Variants in SYNE1 observed in about 807,000 individuals in gnomAD.
SYNE1 encodes nesprin-1.
In SYNE1, 616 loss-of-function variants were observed where a neutral mutation model predicts 1,111.0. The ratio of observed to expected loss-of-function variants is 0.55; its 90% CI spans 0.52 to 0.59. The LOEUF (loss-of-function observed/expected upper bound fraction) is 0.59, where lower values mean the gene tolerates loss of function less well. Ranked by LOEUF, SYNE1 falls within the 20% of genes least tolerant of loss-of-function variation. The pLI, the probability that SYNE1 is intolerant of heterozygous loss-of-function variation, is 0.00. For synonymous variants in SYNE1, 3,855 were observed against 3,825.8 expected, an observed-to-expected ratio of 1.01 and a Z score of -0.28; for missense variants, 10,006 against 10,417.0, an observed-to-expected ratio of 0.96 and a Z score of 1.72.
chr6:152,432,558 A>C (rs1476564601), intron 34 of SYNE1, among the ~76,000 whole-genome samples: 1 of 152,120 alleles, frequency 6.6e-6, no homozygotes, highest in Non-Finnish European at 1.5e-5. Flanking sequence ...GAAAACATGT[A>C]ATCTTTTTTT....
intron 125 of SYNE1, among the ~76,000 whole-genome samples, chr6:152,207,057 A>G (rs1293568462): frequency 6.6e-6 from 1 of 152,204 alleles, no homozygotes; most frequent in East Asian, 1.9e-4. Context: ...AAGATTAGGA[A>G]GCTATTGTCT....
At chr6:152,530,157 C>T (rs1014786057) in intron 4 of SYNE1, among the ~76,000 whole-genome samples, 2 of 152,234 alleles carry the variant, frequency 1.3e-5, no homozygotes, top group African/African-American at 2.4e-5. Context: ...CTTTGGAACA[C>T]AGCATCTGAG....
intron 63 of SYNE1, 100 bp from the exon 64 acceptor site, chr6:152,362,423 A>T: frequency 6.6e-7 from 1 of 1,515,794 alleles, no homozygotes; most frequent in South Asian, 1.2e-5. Context: ...GCAAGGGGTC[A>T]AGAGATCAGG....
Position 152,455,974 on chromosome 6 carries a change from T to C in SYNE1, c.2639A>G (p.Gln880Arg). 1 of 1,614,144 alleles carries C rather than the reference T, an allele frequency of 6.2e-7. No homozygotes were observed. The highest frequency in any genetic ancestry group is 8.5e-7 in the Non-Finnish European group (1 of 1,179,990). Residue 880 changes from glutamine (Q) to arginine (R), a missense_variant, in exon 23 of 146, where the codon CAA becomes CGA. Physicochemically the swap from Gln to Arg is conservative, Grantham distance 43 (BLOSUM62 1). This residue lies in a region of SYNE1 where 1,971 missense variants were observed against 2,084.1 expected (regional missense o/e 0.95). Coordinates refer to ENST00000367255, the MANE Select transcript of SYNE1 (RefSeq NM_182961.4). Reference sequence around the variant, plus strand: ...CACGTTGCTCAAGGTCACAAACTTTTGAACACTTTGACTGCCTTTCTCAAT... The same window carrying C: ...CACGTTGCTCAAGGTCACAAACTTTCGAACACTTTGACTGCCTTTCTCAAT... Reference protein sequence around the residue: ...TLIEKGSQSVQKFVTLSNVLK... With the variant: ...TLIEKGSQSVRKFVTLSNVLK...
rs187631459 is a variant in SYNE1 at position 152,450,361 on chromosome 6, A to T, written c.3395+264T>A. ...GTCTCAGGTATGTCTTTATTAGCAA[A>T]GTGAGAAAGGACTAATACATAAGGA... On this transcript the variant is annotated intron_variant, in intron 27 of 145. Coordinates refer to ENST00000367255, the MANE Select transcript of SYNE1 (RefSeq NM_182961.4). Among the ~76,000 whole-genome samples, 291 of 152,262 alleles carry T rather than the reference A, an allele frequency of 1.9e-3. 3 individuals carry two copies. The highest frequency in any genetic ancestry group is 6.0e-3 in the African/African-American group (250 of 41,546).
intron 145 of SYNE1, chr6:152,126,704 A>G (rs1335923652): frequency 6.6e-6 from 1 of 152,184 alleles, no homozygotes; most frequent in East Asian, 1.9e-4. Context: ...GTCCCAAAAT[A>G]CCTAGACAAT....
At chr6:152,340,176 G>C (rs1199992836) in intron 74 of SYNE1, among the ~76,000 whole-genome samples, 1 of 152,198 alleles carries the variant, frequency 6.6e-6, no homozygotes, top group African/African-American at 2.4e-5. Flanking sequence ...CTGAGGAAAC[G>C]ACCTGAATGC....
intron 62 of SYNE1, among the ~76,000 whole-genome samples, chr6:152,366,606 CTG>C (rs1366604229): frequency 6.6e-6 from 1 of 152,218 alleles, no homozygotes; most frequent in Non-Finnish European, 1.5e-5. Flanking sequence ...GGTTCCACTC[CTG>C]TGTATGTCTA....
intron 108 of SYNE1, 95 bp downstream of exon 108, chr6:152,239,438 T>C (rs2085020136): frequency 1.3e-6 from 2 of 1,497,388 alleles, no homozygotes; most frequent in African/African-American, 2.7e-5. Flanking sequence ...TGAGGTTATG[T>C]GAGGCAAACT....
intron 98 of SYNE1, 35 bp from the exon 99 acceptor site, chr6:152,269,321 C>A (rs563593822): frequency 6.2e-7 from 1 of 1,613,416 alleles, no homozygotes; most frequent in African/African-American, 1.3e-5. Context: ...AGTCATGCTA[C>A]ACACCGGAAA....
At chr6:152,363,029 C>T (rs1369145081) in intron 63 of SYNE1, among the ~76,000 whole-genome samples, 3 of 151,118 alleles carry the variant, frequency 2.0e-5, no homozygotes, top group Admixed American at 6.6e-5. Flanking sequence ...TACATGCCCC[C>T]GCCACCATGC....
intron 130 of SYNE1, among the ~76,000 whole-genome samples, chr6:152,169,728 A>T (rs907119431): frequency 6.6e-6 from 1 of 151,146 alleles, no homozygotes; most frequent in Non-Finnish European, 1.5e-5. Flanking sequence ...TGAGCCCAGG[A>T]GGCTGAGGCT....
intron 3 of SYNE1, among the ~76,000 whole-genome samples, chr6:152,594,297 C>A (rs1286046997): frequency 6.6e-6 from 1 of 152,116 alleles, no homozygotes; most frequent in African/African-American, 2.4e-5. Context: ...GCTGAGGAGA[C>A]CAGCATCACC....
chr6:152,425,329 A>G, intron 39 of SYNE1, 52 bp downstream of exon 39: 3 of 1,568,884 alleles, frequency 1.9e-6, no homozygotes, highest in South Asian at 1.1e-5. Context: ...TTATATGCTC[A>G]TCATTTAAAA....
rs1204553014 is a variant in SYNE1, at chr6:152,300,796, G to A, written c.17542-15C>T. ...CCTGCAGTCATCTGCCACGTAAAAT[G>A]TAGCCCAAAGGACATGAAAATCAAT... is the stretch of plus-strand genomic sequence containing the variant. On this transcript the variant is annotated splice_polypyrimidine_tract_variant and intron_variant, in intron 92 of 145. Transcript: ENST00000367255. 3 of 1,614,096 alleles carry A rather than the reference G, an allele frequency of 1.9e-6. No individual in the cohort carries two copies. The highest frequency in any genetic ancestry group is 3.3e-5 in the Admixed American group (2 of 60,010).
chr6:152,352,409 T>A, intron 69 of SYNE1, 56 bp from the exon 70 acceptor site: 1 of 856,478 alleles, frequency 1.2e-6, no homozygotes, highest in Non-Finnish European at 1.5e-6. Flanking sequence ...CTTTTCTTTC[T>A]TTTTTTTTTT....
chr6:152,324,725 C>G (rs1213156437), intron 81 of SYNE1, among the ~76,000 whole-genome samples: 1 of 152,044 alleles, frequency 6.6e-6, no homozygotes, highest in African/African-American at 2.4e-5. Context: ...GGCGTGAACC[C>G]GGGAGGCGGA....
chr6:152,572,204 G>A (rs2099464762), intron 3 of SYNE1, among the ~76,000 whole-genome samples: 1 of 152,110 alleles, frequency 6.6e-6, no homozygotes, highest in Non-Finnish European at 1.5e-5. Flanking sequence ...TTACTGTAAT[G>A]AAGTGTAACA....
chr6:152,206,884 T>C (rs1038975443), intron 125 of SYNE1, among the ~76,000 whole-genome samples: 1 of 151,554 alleles, frequency 6.6e-6, no homozygotes, highest in Admixed American at 6.6e-5. Flanking sequence ...TGTGAGAGAG[T>C]GGTAGGAGAT....
Sources: gnomAD v4.1 joint callset for allele counts (sites outside exome capture counted in the v4.1 genomes callset) on GRCh38, gnomAD v4.1.1 for gene constraint, gnomAD v4.1.1 regional missense constraint, MANE v1.5 for transcripts, NCBI Gene and HGNC (gene_info 2026-07-23, HGNC 2026-07-21) for gene names.